AP1G1: variants seen among roughly 807,000 people sequenced by gnomAD.
AP1G1 encodes the protein AP-1 complex subunit gamma-1.
In AP1G1, 7 loss-of-function variants were observed where a neutral mutation model predicts 108.3. That is an observed-to-expected ratio of 0.06 (90% CI 0.04 to 0.12). AP1G1 has a LOEUF of 0.12. Ranked by LOEUF, AP1G1 falls within the 10% of genes least tolerant of loss-of-function variation. The pLI is 1.00. For synonymous variants in AP1G1, 379 were observed against 353.5 expected, an observed-to-expected ratio of 1.07 and a Z score of -0.81; for missense variants, 756 against 1,010.7, an observed-to-expected ratio of 0.75 and a Z score of 3.42.
chr16:71,797,310 A>G (rs1450666189), intron 1 of AP1G1, among the ~76,000 whole-genome samples: 1 of 152,140 alleles, frequency 6.6e-6, no homozygotes, highest in Admixed American at 6.6e-5. Context: ...TTTAACTTCT[A>G]TATATAGTCT....
chr16:71,777,985 T>C (rs1031709179), intron 2 of AP1G1, among the ~76,000 whole-genome samples: 2 of 152,300 alleles, frequency 1.3e-5, no homozygotes, highest in African/African-American at 4.8e-5. Context: ...TTTAAGATAG[T>C]CACACTAAGT....
intron 12 of AP1G1, 25 bp downstream of exon 12, chr16:71,755,994 A>T (rs777827053): frequency 3.1e-6 from 5 of 1,601,418 alleles, no homozygotes; most frequent in Non-Finnish European, 4.3e-6. Context: ...AGACTTTACC[A>T]ATAAAGGTAA....
rs569436983 is a variant in AP1G1 at position 71,808,413 on chromosome 16, G to C, written c.-4+350C>G. 1.9e-5 allele frequency: 21 copies of C among 1,107,534 alleles called. 1 individual carries two copies. The South Asian group carries it at 3.0e-4, about 16-fold the overall frequency. 68.6% of individuals were successfully genotyped at this position (1,107,534 alleles called of 1,614,324 possible). On this transcript the variant is annotated intron_variant, in intron 1 of 22. Coordinates refer to ENST00000299980, the MANE Select transcript of AP1G1 (RefSeq NM_001128.6). ...TACGTGGCTCAGAGAAGACACGCGG[G>C]GGTGGGGCCCGCCCCGCTAAACCCC...
At chr16:71,802,990 G>T (rs958107370) in intron 1 of AP1G1, among the ~76,000 whole-genome samples, 1 of 152,104 alleles carries the variant, frequency 6.6e-6, no homozygotes, top group Non-Finnish European at 1.5e-5. Flanking sequence ...TGAAGCAGGT[G>T]AATCACCTGA....
chr16:71,739,442 T>C lies in AP1G1; in HGVS notation c.2000-101A>G. ...ATTTCGGTCTCAGGTTAAGGAAAGA[T>C]TCCTTAAACAAGATGCAAAAAGCAT... is the stretch of plus-strand genomic sequence containing the variant. On this transcript the variant is annotated intron_variant, in intron 19 of 22. Transcript: ENST00000299980. 3 of 915,730 alleles carry C rather than the reference T, an allele frequency of 3.3e-6. No homozygotes were observed. The South Asian group carries it at 5.9e-5, about 18-fold the overall frequency. 56.7% of individuals were successfully genotyped at this position (915,730 alleles called of 1,614,324 possible). A position where few individuals can be genotyped will look rare whatever the true frequency, so the allele number is the denominator to read the frequency against.
chr16:71,766,651 C>T (rs1444823038), intron 6 of AP1G1, among the ~76,000 whole-genome samples: 1 of 152,118 alleles, frequency 6.6e-6, no homozygotes, highest in Non-Finnish European at 1.5e-5. Context: ...TATTTTTTCT[C>T]ACTATATTTA....
intron 1 of AP1G1, chr16:71,807,711 A>C: frequency 1.2e-6 from 1 of 850,172 alleles, no homozygotes; most frequent in Non-Finnish European, 1.7e-6. Flanking sequence ...CTGTACAAAC[A>C]CTTCAAAGTT....
At chr16:71,794,835 C>CTTTTTTTTTTTT (rs55761928) in intron 1 of AP1G1, among the ~76,000 whole-genome samples, 580 of 39,642 alleles carry the variant, frequency 0.015, 64 homozygotes, top group Middle Eastern at 0.088. Context: ...ATGAGAAGTG[C>CTTTTTTTTTTTT]TTTTTTTTTT....
intron 2 of AP1G1, among the ~76,000 whole-genome samples, chr16:71,781,181 T>C (rs1312613960): frequency 2.0e-5 from 3 of 152,186 alleles, no homozygotes; most frequent in African/African-American, 7.2e-5. Flanking sequence ...AAAATCATCA[T>C]TTTTGAAAAG....
chr16:71,765,483 C>A lies in AP1G1; in HGVS notation c.738+6G>T. 1.3e-6 allele frequency: 2 copies of A among 1,598,652 alleles called. No homozygotes were observed. The highest frequency in any genetic ancestry group is 2.7e-5 in the African/African-American group (2 of 74,586). On this transcript the variant is annotated splice_donor_region_variant and intron_variant, in intron 7 of 22. Coordinates refer to ENST00000299980, the MANE Select transcript of AP1G1 (RefSeq NM_001128.6). ...ACATTTATTTAAAACGTTCTTTCAA[C>A]CTCACCTGCAAAAAGGGGTCACTGA...
At chr16:71,745,817 T>A (rs2030143218) in intron 17 of AP1G1, among the ~76,000 whole-genome samples, 1 of 147,298 alleles carries the variant, frequency 6.8e-6, no homozygotes, top group South Asian at 2.3e-4. Flanking sequence ...AAATCTTGAA[T>A]AAACAGACTG....
In AP1G1 at chr16:71,798,211, A is replaced by G. The variant is rs141079691; in HGVS notation, c.-3-8729T>C. On this transcript the variant is annotated intron_variant, in intron 1 of 22. Transcript: ENST00000299980. The stretch of plus-strand genomic sequence containing the variant: ...CAGTAATCCCAACACTTTAGAGGCC[A>G]AGGTGGGAGGATCACTTGAGGCCAT... Among the ~76,000 whole-genome samples the G allele has an allele frequency of 6.7e-3, 1,015 of 151,876 alleles. 15 individuals are homozygous for G. Among genetic ancestry groups the G allele is most frequent in the African/African-American group, 0.022 (902 of 41,472 alleles).
intron 21 of AP1G1, among the ~76,000 whole-genome samples, chr16:71,736,146 A>G (rs892264514): frequency 1.1e-4 from 14 of 128,432 alleles, no homozygotes; most frequent in Non-Finnish European, 2.2e-4. Flanking sequence ...ATATATATAT[A>G]TGGTCTTATT....
rs922467114 is a variant in AP1G1, at chr16:71,780,278, C to T, written c.202-5686G>A. ...TGCTGGGATTACAGGCGTGAGCCACCGCGCCGGCCAAAAGTTTCTTAAACA... is the reference window on the plus strand; with the variant it reads ...TGCTGGGATTACAGGCGTGAGCCACTGCGCCGGCCAAAAGTTTCTTAAACA... On this transcript the variant is annotated intron_variant, in intron 2 of 22. Transcript: ENST00000299980. Among the ~76,000 whole-genome samples the T allele has an allele frequency of 5.9e-5, 9 of 151,954 alleles. No individual in the cohort carries two copies. The South Asian group carries it at 1.5e-3, about 24-fold the overall frequency.
rs1419354248 is a variant in AP1G1, at chr16:71,789,271, C to A, written c.201+8G>T. The A allele has an allele frequency of 5.0e-6, 8 of 1,611,578 alleles. No homozygotes were observed. The Admixed American group carries it at 1.3e-4, about 27-fold the overall frequency. ...ACCCTTGCTACATGTAGTCTCAGCC[C>A]AGCCTACCTGTCCAAAGTGAGCAGG... is the stretch of plus-strand genomic sequence containing the variant. On this transcript the variant is annotated splice_region_variant and intron_variant, in intron 2 of 22. Coordinates refer to ENST00000299980, the MANE Select transcript of AP1G1 (RefSeq NM_001128.6).
intron 7 of AP1G1, 30 bp downstream of exon 7, chr16:71,765,459 C>T (rs1597059742): frequency 2.7e-6 from 4 of 1,479,276 alleles, no homozygotes; most frequent in Non-Finnish European, 3.8e-6. Context: ...ATTCATATAA[C>T]ATTTATTTAA....
Position 71,758,988 on chromosome 16 carries a change from A to C in AP1G1, c.975-67T>G, listed in dbSNP as rs571800217. On this transcript the variant is annotated intron_variant, in intron 10 of 22. Coordinates refer to ENST00000299980, the MANE Select transcript of AP1G1 (RefSeq NM_001128.6). ...ATTCAGGATAGTTTTTCTCCGTTTA[A>C]ATAATAAAAAGAAAGACGTCTAATG... The C allele has an allele frequency of 3.4e-5, 30 of 881,134 alleles. No individual in the cohort carries two copies. In the East Asian group the frequency reaches 6.1e-4, roughly 18 times the overall value. The allele number at this position is 881,134 out of a possible 1,614,324, so 54.6% of individuals were successfully genotyped here.
intron 2 of AP1G1, chr16:71,777,520 G>A (rs1384654591): frequency 7.0e-6 from 2 of 286,740 alleles, no homozygotes; most frequent in Non-Finnish European, 1.5e-5. Context: ...AAGGAGCCAG[G>A]CGAAGAGTGG....
At chr16:71,779,356 G>A (rs558642835) in intron 2 of AP1G1, among the ~76,000 whole-genome samples, 2 of 151,668 alleles carry the variant, frequency 1.3e-5, no homozygotes, top group African/African-American at 2.4e-5. Flanking sequence ...TGGGGAGTAG[G>A]GGGGAGAGTC....
Sources: gnomAD v4.1 joint callset for allele counts (sites outside exome capture counted in the v4.1 genomes callset) on GRCh38, gnomAD v4.1.1 for gene constraint, MANE v1.5 for transcripts, NCBI Gene and HGNC (gene_info 2026-07-23, HGNC 2026-07-21) for gene names.